Variants in FGF12 observed in about 807,000 individuals in gnomAD.
FGF12 encodes fibroblast growth factor 12.
A neutral mutation model predicts 23.6 loss-of-function variants in FGF12; 14 were observed. That is an observed-to-expected ratio of 0.59 (90% confidence interval 0.39 to 0.93). The LOEUF (loss-of-function observed/expected upper bound fraction) is 0.93, where lower values mean the gene tolerates loss of function less well. Among genes scored for constraint, FGF12 ranks in the 40% least tolerant of loss-of-function variants. The pLI is 0.00. For missense variants in FGF12, 175 were observed against 217.8 expected, an observed-to-expected ratio of 0.80 and a Z score of 1.24; for synonymous variants, 62 against 77.3, an observed-to-expected ratio of 0.80 and a Z score of 1.04.
At chr3:192,542,244 A>G (rs1183761012) in intron 2 of FGF12, among the ~76,000 whole-genome samples, 1 of 152,042 alleles carries the variant, frequency 6.6e-6, no homozygotes, top group Non-Finnish European at 1.5e-5. Context: ...AAGCCCACTA[A>G]TTATCTCTTC....
chr3:192,179,779 C>A (rs1260925947), intron 4 of FGF12, among the ~76,000 whole-genome samples: 2 of 152,050 alleles, frequency 1.3e-5, no homozygotes, highest in Non-Finnish European at 2.9e-5. Context: ...CTCCTGACCT[C>A]AAGGGATCTG....
intron 2 of FGF12, among the ~76,000 whole-genome samples, chr3:192,423,637 A>G (rs1721604030): frequency 6.6e-6 from 1 of 152,178 alleles, no homozygotes; most frequent in African/African-American, 2.4e-5. Context: ...AAAGATTATG[A>G]AATTGAAGAC....
intron 2 of FGF12, among the ~76,000 whole-genome samples, chr3:192,452,861 T>C (rs867867621): frequency 6.6e-6 from 1 of 152,246 alleles, no homozygotes; most frequent in South Asian, 2.1e-4. Context: ...TCTTTTTCTT[T>C]GGTGTTCTAA....
At chr3:192,576,841 T>C (rs982371482) in intron 2 of FGF12, among the ~76,000 whole-genome samples, 1 of 151,896 alleles carries the variant, frequency 6.6e-6, no homozygotes, top group Non-Finnish European at 1.5e-5. Context: ...ACAAAGAAAA[T>C]GTGACACATA....
chr3:192,569,022 A>G (rs1448664091), intron 2 of FGF12, among the ~76,000 whole-genome samples: 4 of 152,222 alleles, frequency 2.6e-5, no homozygotes, highest in Admixed American at 1.3e-4. Flanking sequence ...AAAACAGGAG[A>G]AAACAGTACA....
At chr3:192,436,081 C>T (rs780286368) in intron 2 of FGF12, among the ~76,000 whole-genome samples, 4 of 152,150 alleles carry the variant, frequency 2.6e-5, no homozygotes, top group African/African-American at 9.7e-5. Flanking sequence ...CGCCAGGCCT[C>T]GTGCTAGGGG....
intron 2 of FGF12, among the ~76,000 whole-genome samples, chr3:192,502,009 AT>A (rs1409447992): frequency 6.6e-6 from 1 of 152,214 alleles, no homozygotes; most frequent in Non-Finnish European, 1.5e-5. Context: ...AGGGTGACCA[AT>A]GAGGCTGGCC....
intron 2 of FGF12, among the ~76,000 whole-genome samples, chr3:192,389,612 T>C (rs1007688014): frequency 6.6e-6 from 1 of 152,234 alleles, no homozygotes; most frequent in Non-Finnish European, 1.5e-5. Flanking sequence ...AACTTTATTT[T>C]GATTCTACTT....
chr3:192,437,926 T>C (rs778282597), intron 2 of FGF12, among the ~76,000 whole-genome samples: 2 of 152,210 alleles, frequency 1.3e-5, no homozygotes, highest in Non-Finnish European at 2.9e-5. Flanking sequence ...CTTTTGTCCC[T>C]GAATAAACGT....
At chr3:192,238,722 T>G (rs914889919) in intron 4 of FGF12, 1 of 152,196 alleles carries the variant, frequency 6.6e-6, no homozygotes, top group Non-Finnish European at 1.5e-5. Context: ...ATATTGCTCT[T>G]TCCATCATCT....
intron 2 of FGF12, among the ~76,000 whole-genome samples, chr3:192,567,183 A>G (rs1712332417): frequency 6.6e-6 from 1 of 152,182 alleles, no homozygotes; most frequent in Non-Finnish European, 1.5e-5. Context: ...TGAGACAAAG[A>G]TCAAAACTTT....
chr3:192,612,786 T>C (rs184292847), intron 2 of FGF12, among the ~76,000 whole-genome samples: 149 of 152,124 alleles, frequency 9.8e-4, no homozygotes, highest in Non-Finnish European at 8.8e-5. Flanking sequence ...TTTAAGCCAA[T>C]AACTTGTGGT....
chr3:192,188,425 G>A (rs1716606756), intron 4 of FGF12, among the ~76,000 whole-genome samples: 1 of 152,166 alleles, frequency 6.6e-6, no homozygotes, highest in Non-Finnish European at 1.5e-5. Flanking sequence ...ACTAGGTGGC[G>A]GGGTGGTGAC....
At chr3:192,355,273 C>T (rs1244511263) in intron 3 of FGF12, among the ~76,000 whole-genome samples, 1 of 151,894 alleles carries the variant, frequency 6.6e-6, no homozygotes, top group Non-Finnish European at 1.5e-5. Flanking sequence ...TTTAAATTAT[C>T]CATTTAAATA....
intron 2 of FGF12, among the ~76,000 whole-genome samples, chr3:192,432,639 AAAAGAAAGAAAG>A (rs1007768982): frequency 2.2e-5 from 3 of 137,090 alleles, no homozygotes; most frequent in South Asian, 2.2e-4. Context: ...AAAAAAAAAA[AAAAGAAAGAAAG>A]AAAGAAAGAA....
At chr3:192,391,044 GA>G (rs1471129334) in intron 2 of FGF12, among the ~76,000 whole-genome samples, 4 of 152,182 alleles carry the variant, frequency 2.6e-5, no homozygotes. Flanking sequence ...CAAAAATATA[GA>G]GGAGACAAGT....
At chr3:192,398,777 C>T (rs1188683365) in intron 2 of FGF12, among the ~76,000 whole-genome samples, 1 of 152,124 alleles carries the variant, frequency 6.6e-6, no homozygotes, top group East Asian at 1.9e-4. Flanking sequence ...GAAAAACAAA[C>T]CTGAGTCTAA....
intron 2 of FGF12, among the ~76,000 whole-genome samples, chr3:192,487,365 G>C (rs1379790239): frequency 2.0e-5 from 3 of 151,934 alleles, no homozygotes; most frequent in African/African-American, 7.3e-5. Context: ...TCACTTATTA[G>C]TCCCAGATGA....
intron 5 of FGF12, among the ~76,000 whole-genome samples, chr3:192,169,714 C>T (rs1715432842): frequency 6.6e-6 from 1 of 151,706 alleles, no homozygotes; most frequent in African/African-American, 2.4e-5. Context: ...CAAGCTTACT[C>T]AGCCTGTAGT....
Sources: gnomAD v4.1 joint callset for allele counts (sites outside exome capture counted in the v4.1 genomes callset) on GRCh38, gnomAD v4.1.1 for gene constraint, MANE v1.5 for transcripts, NCBI Gene and HGNC (gene_info 2026-07-23, HGNC 2026-07-21) for gene names.